The following NOTCH1 variants were observed in gnomAD, a reference collection of about 807,000 sequenced individuals.
NOTCH1 encodes neurogenic locus notch homolog protein 1.
In NOTCH1, 37 loss-of-function variants were observed where a neutral mutation model predicts 254.8. The observed-to-expected ratio is 0.15, with a 90% CI of 0.11 to 0.19. The LOEUF (loss-of-function observed/expected upper bound fraction) is 0.19. NOTCH1 is among the 10% of genes least tolerant of loss of function. NOTCH1 has a pLI of 1.00. For missense variants in NOTCH1, 2,972 were observed against 3,708.6 expected (o/e 0.80, Z 5.16); for synonymous variants, 1,731 against 1,618.1 (o/e 1.07, Z -1.68).
intron 5 of NOTCH1, 87 bp downstream of exon 5, chr9:136,519,356 C>A: frequency 6.4e-7 from 1 of 1,570,756 alleles, no homozygotes; most frequent in Admixed American, 1.7e-5. Flanking sequence ...GTCTCGGCTG[C>A]TCCCCGCTAT....
chr9:136,504,593 G>T lies in NOTCH1; in HGVS notation c.5018+80C>A, dbSNP rs11574904. On this transcript the variant is annotated intron_variant, in intron 26 of 33. Coordinates refer to ENST00000651671, the MANE Select transcript of NOTCH1 (RefSeq NM_017617.5). The stretch of plus-strand genomic sequence containing the variant: ...GGAGAGTACTGCTTGCCATGGCGCC[G>T]GCCGTGAGGGGCAGGGAGGCCGTCG... 6.5e-6 allele frequency: 9 copies of T among 1,380,336 alleles called. No individual in the cohort carries two copies. The East Asian group carries it at 7.6e-5, about 12-fold the overall frequency. The allele number at this position is 1,380,336 out of a possible 1,614,324, so 85.5% of individuals were successfully genotyped here. A position where few individuals can be genotyped will look rare whatever the true frequency, so the allele number is the denominator to read the frequency against.
chr9:136,513,491 T>C lies in NOTCH1; in HGVS notation c.2254A>G (p.Ile752Val). 1 of 1,613,218 alleles carries C rather than the reference T, an allele frequency of 6.2e-7. No homozygotes were observed. The highest frequency in any genetic ancestry group is 8.5e-7 in the Non-Finnish European group (1 of 1,179,976). ...TTGGATTCACACTCATTGTTGTTGATGTCACAGTTGGTCCCACTCCACCCA... is the reference window on the plus strand; with the variant it reads ...TTGGATTCACACTCATTGTTGTTGACGTCACAGTTGGTCCCACTCCACCCA... Reference protein sequence around the residue: ...DPGWSGTNCDINNNECESNPC... With the variant: ...DPGWSGTNCDVNNNECESNPC... Residue 752 changes from isoleucine (I) to valine (V), a missense_variant, in exon 14 of 34, where the codon ATC (isoleucine) becomes GTC (valine). Around this residue, in one of 8 missense-constraint regions of NOTCH1, gnomAD observed 1,343 missense variants for 1,557.0 expected, o/e 0.86. Transcript: ENST00000651671. This position sits in a 1 kb window ranked among gnomAD's most constrained non-coding sequence, Gnocchi z 4.7.
chr9:136,544,143 C>T (rs879569414), intron 1 of NOTCH1, 41 bp from the exon 2 acceptor site: 2 of 1,523,426 alleles, frequency 1.3e-6, no homozygotes, highest in Admixed American at 2.0e-5. Flanking sequence ...CTCACCCGCA[C>T]CACCACCACC....
At position 136,510,661 on chromosome 9, in the gene NOTCH1, C is replaced by G. The variant is rs2133352898; in HGVS notation, c.2732G>C (p.Cys911Ser). 1 of 1,606,276 alleles carries G rather than the reference C, an allele frequency of 6.2e-7. No individual in the cohort carries two copies. The highest frequency in any genetic ancestry group is 1.1e-5 in the South Asian group (1 of 90,752). Residue 911 changes from cysteine to serine, a missense_variant, in exon 17 of 34, where the codon TGC becomes TCC. Around this residue, in one of 8 missense-constraint regions of NOTCH1, gnomAD observed 1,343 missense variants for 1,557.0 expected, o/e 0.86. Transcript: ENST00000651671. Reference sequence around the variant, plus strand: ...GCCGCGGGGCTACTCACTGGGCCGGCAGTCGTCGATGTCGGTCTCGCAGTT... The same window carrying G: ...GCCGCGGGGCTACTCACTGGGCCGGGAGTCGTCGATGTCGGTCTCGCAGTT... ...GRNCETDIDD[C>S]RPNPCHNGGS...
In NOTCH1 at chr9:136,494,884, G is replaced by A. The variant is rs1022758110; in HGVS notation, c.*1187C>T. Reference sequence around the variant, plus strand: ...AAATCTGCTCCTCCCAAACTAGGAGGGGTGGCCCAAGGGCAGCCCCCGCCT... The same window carrying A: ...AAATCTGCTCCTCCCAAACTAGGAGAGGTGGCCCAAGGGCAGCCCCCGCCT... On this transcript the variant is annotated 3_prime_UTR_variant, in exon 34 of 34. Transcript: ENST00000651671. The A allele has an allele frequency of 1.8e-5, 7 of 398,506 alleles. No homozygotes were observed. Among genetic ancestry groups the A allele is most frequent in the African/African-American group, 4.1e-5 (2 of 48,612 alleles). The allele number at this position is 398,506 out of a possible 1,614,324, so 24.7% of individuals were successfully genotyped here. A position where few individuals can be genotyped will look rare whatever the true frequency, so the allele number is the denominator to read the frequency against.
chr9:136,497,824 A>AT (rs1842941624), intron 33 of NOTCH1, among the ~76,000 whole-genome samples: 1 of 152,170 alleles, frequency 6.6e-6, no homozygotes, highest in Admixed American at 6.5e-5. Context: ...CTCCACCTCT[A>AT]TGGGGGGGTC....
intron 33 of NOTCH1, 144 bp from the exon 34 acceptor site, chr9:136,497,702 G>T: frequency 1.5e-6 from 1 of 661,020 alleles, no homozygotes; most frequent in Non-Finnish European, 2.5e-6. Context: ...CCCCACCCCA[G>T]CGTCCTGCAA....
rs1589072691 is a variant in NOTCH1, at chr9:136,523,904, C to T, written c.216G>A (p.Gly72=). The stretch of plus-strand genomic sequence containing the variant: ...CTCTGCGGTCCACCACGTGGCATGT[C>T]CCGGCGTTCTTGCAGGGGGTGCTGA... ...PCLSTPCKNA[G]TCHVVDRRGV... is the part of the protein sequence containing the mutation. Residue 72 remains glycine, a synonymous_variant, in exon 3 of 34, where the codon GGG becomes GGA. Coordinates refer to ENST00000651671, the MANE Select transcript of NOTCH1 (RefSeq NM_017617.5). 6.2e-7 allele frequency: 1 copy of T among 1,605,814 alleles called. No homozygotes were observed.
At chr9:136,507,528 C>T (rs555316390) in intron 21 of NOTCH1, 91 bp from the exon 22 acceptor site, 10 of 1,523,058 alleles carry the variant, frequency 6.6e-6, no homozygotes, top group Non-Finnish European at 8.0e-6. Context: ...GACAGGGCCA[C>T]ATGAGCTGCC....
rs935944255 is a variant in NOTCH1 at position 136,540,865 on chromosome 9, C to T, written c.140+3159G>A. On this transcript the variant is annotated intron_variant, in intron 2 of 33. Coordinates refer to ENST00000651671, the MANE Select transcript of NOTCH1 (RefSeq NM_017617.5). The surrounding 1 kb of genome is among the most constrained non-coding windows in gnomAD (Gnocchi z 4.4). ...CAGCAGCCAACATCTTAGCTGCCCC[C>T]TGCCTCAACGCCCAGCCCAGACGCA... Among the ~76,000 whole-genome samples the T allele has an allele frequency of 6.6e-6, 1 of 152,168 alleles. No individual in the cohort carries two copies. Among genetic ancestry groups the T allele is most frequent in the Non-Finnish European group, 1.5e-5 (1 of 68,028 alleles).
rs757497167 is a variant in NOTCH1, at chr9:136,523,963, C to T, written c.157G>A (p.Val53Met). Residue 53 changes from valine to methionine, a missense_variant, in exon 3 of 34, where the codon GTG becomes ATG. By Grantham distance (21) the Val-to-Met change is conservative. Coordinates refer to ENST00000651671, the MANE Select transcript of NOTCH1 (RefSeq NM_017617.5). ...TEACVCGGAF[V>M]GPRCQDPNPC... ...TTGGGGTCCTGGCATCGCGGGCCCA[C>T]GAAGGCCCCGCCACAGCTGTTGGCA... 33 of 1,555,740 alleles carry T rather than the reference C, an allele frequency of 2.1e-5. No individual in the cohort carries two copies. The highest frequency in any genetic ancestry group is 2.7e-5 in the African/African-American group (2 of 73,556).
Position 136,517,327 on chromosome 9 carries a change from C to A in NOTCH1, c.1500G>T (p.Leu500=). Residue 500 remains leucine, a synonymous_variant, in exon 9 of 34, where the codon CTG becomes CTT. Coordinates refer to ENST00000651671, the MANE Select transcript of NOTCH1 (RefSeq NM_017617.5). ...TCTTGTCCAGGCAGCGGCCATTGTGCAGGCAGGGGCTGCTGGCACACTCGT... is the reference window on the plus strand; with the variant it reads ...TCTTGTCCAGGCAGCGGCCATTGTGAAGGCAGGGGCTGCTGGCACACTCGT... ...NTDECASSPC[L]HNGRCLDKIN... 6.2e-7 allele frequency: 1 copy of A among 1,609,964 alleles called. No individual in the cohort carries two copies. Among genetic ancestry groups the A allele is most frequent in the Non-Finnish European group, 8.5e-7 (1 of 1,178,664 alleles).
intron 2 of NOTCH1, among the ~76,000 whole-genome samples, chr9:136,529,725 G>A (rs920743173): frequency 1.3e-5 from 2 of 152,246 alleles, no homozygotes; most frequent in East Asian, 1.9e-4. Context: ...CCTGAAAGGC[G>A]CCCTGCAGCC....
At chr9:136,530,222 G>A (rs1407924863) in intron 2 of NOTCH1, among the ~76,000 whole-genome samples, 2 of 152,250 alleles carry the variant, frequency 1.3e-5, no homozygotes, top group Non-Finnish European at 2.9e-5. Flanking sequence ...AACAGCTGTT[G>A]CCGGCACCCC....
In NOTCH1 at chr9:136,518,682, A is replaced by G; in HGVS notation, c.1008T>C (p.Ile336=). Reference sequence around the variant, plus strand: ...AGCAGGCGGCGCTGGCACAGTCATCAATGTTCTCGCTGCAGTCCTCACCAG... The same window carrying G: ...AGCAGGCGGCGCTGGCACAGTCATCGATGTTCTCGCTGCAGTCCTCACCAG... ...GWTGEDCSEN[I]DDCASAACFH... is the part of the protein sequence containing the mutation. The change falls in exon 6 of 34, where the codon ATT becomes ATC. Residue 336 remains isoleucine (I), a synonymous_variant. Transcript: ENST00000651671. 1 of 1,612,680 alleles carries G rather than the reference A, an allele frequency of 6.2e-7. No homozygotes were observed.
At chr9:136,543,774 C>A in intron 2 of NOTCH1, 2 of 605,416 alleles carry the variant, frequency 3.3e-6, no homozygotes, top group Non-Finnish European at 5.9e-6. Flanking sequence ...CACTTAGTGA[C>A]CCCGGAGCCT....
intron 1 of NOTCH1, among the ~76,000 whole-genome samples, chr9:136,544,516 T>C (rs750914602): frequency 1.1e-4 from 17 of 151,996 alleles, no homozygotes; most frequent in Non-Finnish European, 1.9e-4. Flanking sequence ...GCCGCCGAGA[T>C]TGCCTCTGTT....
intron 3 of NOTCH1, 43 bp downstream of exon 3, chr9:136,523,674 G>A (rs779481715): frequency 8.3e-6 from 13 of 1,568,284 alleles, no homozygotes; most frequent in East Asian, 7.0e-5. Flanking sequence ...GCTGGCGGCG[G>A]GCCTGGGTCT....
rs558252850 is a variant in NOTCH1 at position 136,502,161 on chromosome 9, C to T, written c.5385-73G>A. 406 of 1,598,510 alleles carry T rather than the reference C, an allele frequency of 2.5e-4. No individual in the cohort carries two copies. In the African/African-American group the frequency reaches 4.7e-3, roughly 19 times the overall value. ...AGCCCCCAGAGACCCCTGGCCCGGGCCTGGCGTGGGAGGTGGGCCCTGGGT... is the reference window on the plus strand; with the variant it reads ...AGCCCCCAGAGACCCCTGGCCCGGGTCTGGCGTGGGAGGTGGGCCCTGGGT... On this transcript the variant is annotated intron_variant, in intron 28 of 33. Coordinates refer to ENST00000651671, the MANE Select transcript of NOTCH1 (RefSeq NM_017617.5).
Sources: allele counts gnomAD v4.1 joint callset (sites outside exome capture counted in the v4.1 genomes callset), GRCh38; gene constraint gnomAD v4.1.1; regional missense constraint gnomAD v4.1.1; non-coding constraint Gnocchi (gnomAD v3.1); transcripts MANE v1.5; gene names NCBI Gene and HGNC (gene_info 2026-07-23, HGNC 2026-07-21).